The following PTPRD variants were observed in gnomAD, a reference collection of about 807,000 sequenced individuals.
PTPRD encodes the protein protein tyrosine phosphatase receptor type D.
A neutral mutation model predicts 214.5 loss-of-function variants in PTPRD; 34 were observed. That is an observed-to-expected ratio of 0.16 (90% CI 0.12 to 0.21). The LOEUF is 0.21. PTPRD is among the 10% of genes least tolerant of loss of function. The pLI is 1.00. For synonymous variants in PTPRD, 1,128 were observed against 845.7 expected, an observed-to-expected ratio of 1.33 and a Z score of -5.79; for missense variants, 2,545 against 2,398.7, an observed-to-expected ratio of 1.06 and a Z score of -1.27.
At chr9:9,665,322 G>A (rs894086209) in intron 7 of PTPRD, among the ~76,000 whole-genome samples, 6 of 151,688 alleles carry the variant, frequency 4.0e-5, no homozygotes, top group Admixed American at 3.3e-4. Context: ...ATTTAATCTC[G>A]TTTGAGCTGT....
intron 8 of PTPRD, among the ~76,000 whole-genome samples, chr9:9,529,449 A>G (rs2074979603): frequency 6.6e-6 from 1 of 152,168 alleles, no homozygotes; most frequent in South Asian, 2.1e-4. Flanking sequence ...AACCCAAGAA[A>G]CTTAACTAAA....
chr9:8,513,853 G>A (rs1000912845), intron 21 of PTPRD, among the ~76,000 whole-genome samples: 5 of 151,994 alleles, frequency 3.3e-5, no homozygotes, highest in African/African-American at 7.2e-5. Flanking sequence ...ATTTTGGAAG[G>A]TTTTCTTAGC....
intron 4 of PTPRD, among the ~76,000 whole-genome samples, chr9:10,031,625 C>CATAT (rs1171466919): frequency 0.035 from 3,047 of 87,318 alleles, 233 homozygotes; most frequent in African/African-American, 0.079. Context: ...TAAAAAACTC[C>CATAT]ATATATATAT....
At chr9:10,587,742 A>G (rs1317514603) in intron 2 of PTPRD, among the ~76,000 whole-genome samples, 1 of 152,102 alleles carries the variant, frequency 6.6e-6, no homozygotes, top group Non-Finnish European at 1.5e-5. Context: ...GCACTTAACA[A>G]GGTACTCAAG....
chr9:9,975,099 C>T (rs967584434), intron 4 of PTPRD, among the ~76,000 whole-genome samples: 8 of 148,050 alleles, frequency 5.4e-5, no homozygotes, highest in African/African-American at 2.1e-4. Context: ...CTCCCGTTAG[C>T]ACTGTCTTTC....
intron 11 of PTPRD, among the ~76,000 whole-genome samples, chr9:8,816,405 TATAAAC>T (rs1252513465): frequency 2.0e-5 from 3 of 152,206 alleles, no homozygotes; most frequent in Non-Finnish European, 1.5e-5. Flanking sequence ...GAGGATAATC[TATAAAC>T]ACAAGACACA....
chr9:9,363,308 G>A (rs145980739), intron 9 of PTPRD, among the ~76,000 whole-genome samples: 9 of 151,110 alleles, frequency 6.0e-5, no homozygotes, highest in African/African-American at 2.2e-4. Flanking sequence ...CTAGATAGTT[G>A]TAATGGACCC....
intron 36 of PTPRD, among the ~76,000 whole-genome samples, chr9:8,397,567 A>G (rs755117469): frequency 6.6e-6 from 1 of 152,164 alleles, no homozygotes; most frequent in Non-Finnish European, 1.5e-5. Context: ...TACAATGTGA[A>G]ATTGGAGAAT....
At chr9:9,096,027 C>G (rs1304069298) in intron 10 of PTPRD, among the ~76,000 whole-genome samples, 1 of 152,128 alleles carries the variant, frequency 6.6e-6, no homozygotes, top group Non-Finnish European at 1.5e-5. Context: ...GTTATTCTAC[C>G]TATACATGGA....
chr9:8,990,305 G>A (rs552325837), intron 11 of PTPRD, among the ~76,000 whole-genome samples: 1 of 152,168 alleles, frequency 6.6e-6, no homozygotes, highest in African/African-American at 2.4e-5. Context: ...CATCAGTTAC[G>A]TGGAATATGG....
At chr9:8,369,446 C>A (rs2080883933) in intron 39 of PTPRD, among the ~76,000 whole-genome samples, 1 of 151,414 alleles carries the variant, frequency 6.6e-6, no homozygotes, top group Non-Finnish European at 1.5e-5. Context: ...TTTTACAACC[C>A]CAAACTGGCA....
At chr9:10,573,432 T>G (rs1039953971) in intron 2 of PTPRD, among the ~76,000 whole-genome samples, 6 of 152,136 alleles carry the variant, frequency 3.9e-5, no homozygotes, top group Non-Finnish European at 7.4e-5. Context: ...GATATCCTCA[T>G]AGTGCACACA....
chr9:9,290,095 T>A (rs1244119464), intron 9 of PTPRD, among the ~76,000 whole-genome samples: 1 of 151,710 alleles, frequency 6.6e-6, no homozygotes, highest in African/African-American at 2.4e-5. Flanking sequence ...AGGGTTCCCT[T>A]TTTTCCATAC....
chr9:9,924,210 G>C (rs1033266954), intron 5 of PTPRD, among the ~76,000 whole-genome samples: 1 of 151,870 alleles, frequency 6.6e-6, no homozygotes, highest in African/African-American at 2.4e-5. Context: ...TCCTATGTAG[G>C]CATCATAATA....
At position 8,555,232 on chromosome 9, in the gene PTPRD, T is replaced by C. The variant is rs533212024; in HGVS notation, c.353-26453A>G. 2.6e-3 allele frequency among the ~76,000 whole-genome samples: 399 copies of C among 152,064 alleles called. 1 individual carries two copies. The highest frequency in any genetic ancestry group is 9.4e-3 in the African/African-American group (388 of 41,466). On this transcript the variant is annotated intron_variant, in intron 14 of 45. Coordinates refer to ENST00000381196, the MANE Select transcript of PTPRD (RefSeq NM_002839.4). ...CAGCCTGGGCAACATGGCAAGACCCTGTCTGTATAAAAAGACTTTTAAAAA... is the reference window on the plus strand; with the variant it reads ...CAGCCTGGGCAACATGGCAAGACCCCGTCTGTATAAAAAGACTTTTAAAAA...
intron 3 of PTPRD, among the ~76,000 whole-genome samples, chr9:10,273,821 C>T (rs1047297050): frequency 6.6e-6 from 1 of 152,038 alleles, no homozygotes; most frequent in South Asian, 2.1e-4. Context: ...AACACAATGG[C>T]CTTGCTTATA....
chr9:10,409,100 A>C (rs1303419921), intron 2 of PTPRD, among the ~76,000 whole-genome samples: 2 of 151,794 alleles, frequency 1.3e-5, no homozygotes, highest in Non-Finnish European at 2.9e-5. Context: ...TTAAGGGATT[A>C]TAAAAATAAA....
At chr9:9,806,448 G>A (rs974295393) in intron 5 of PTPRD, among the ~76,000 whole-genome samples, 1 of 151,596 alleles carries the variant, frequency 6.6e-6, no homozygotes, top group Non-Finnish European at 1.5e-5. Flanking sequence ...ATTCCTCCCC[G>A]CTCTTGTGAC....
intron 8 of PTPRD, among the ~76,000 whole-genome samples, chr9:9,476,033 G>A (rs772409240): frequency 7.2e-5 from 11 of 152,174 alleles, no homozygotes; most frequent in Middle Eastern, 3.4e-3. Flanking sequence ...TATATCTACT[G>A]ATATATTAAA....
Sources: allele counts gnomAD v4.1 joint callset (sites outside exome capture counted in the v4.1 genomes callset), GRCh38; gene constraint gnomAD v4.1.1; transcripts MANE v1.5; gene names NCBI Gene and HGNC (gene_info 2026-07-23, HGNC 2026-07-21).